NKAIN1: variants seen among roughly 807,000 people sequenced by gnomAD.
The protein encoded by NKAIN1 is sodium/potassium transporting ATPase interacting 1, also known as sodium/potassium-transporting ATPase subunit beta-1-interacting protein 1.
Under a neutral mutation model 31.6 loss-of-function variants are expected in NKAIN1, and 13 were observed. The ratio of observed to expected loss-of-function variants is 0.41; its 90% confidence interval spans 0.27 to 0.65. NKAIN1 has a LOEUF of 0.65. Ranked by LOEUF, NKAIN1 falls within the 30% of genes least tolerant of loss-of-function variation. The pLI is 0.30. For missense variants in NKAIN1, 193 were observed against 262.2 expected, an observed-to-expected ratio of 0.74 and a Z score of 1.82; for synonymous variants, 104 against 109.0, an observed-to-expected ratio of 0.95 and a Z score of 0.28.
chr1:31,208,343 A>G (rs200811956), intron 1 of NKAIN1, among the ~76,000 whole-genome samples: 1 of 151,854 alleles, frequency 6.6e-6, no homozygotes, highest in Non-Finnish European at 1.5e-5. Flanking sequence ...TCTTTCTTCC[A>G]CCCCCCGCTT....
chr1:31,182,943 T>C (rs1187873446), intron 4 of NKAIN1, among the ~76,000 whole-genome samples: 1 of 152,074 alleles, frequency 6.6e-6, no homozygotes, highest in Non-Finnish European at 1.5e-5. Flanking sequence ...ACTACTCCTA[T>C]CTTGGAGTTT....
intron 1 of NKAIN1, among the ~76,000 whole-genome samples, chr1:31,191,808 G>C (rs1030690675): frequency 6.6e-6 from 1 of 152,086 alleles, no homozygotes; most frequent in Non-Finnish European, 1.5e-5. Flanking sequence ...AAAGAGTCTT[G>C]CACTTTTGCC....
chr1:31,201,523 T>TA (rs915286376), intron 1 of NKAIN1, among the ~76,000 whole-genome samples: 1 of 70,930 alleles, frequency 1.4e-5, no homozygotes, highest in African/African-American at 3.4e-5. Context: ...CATGCCCGGC[T>TA]AATTTTTTTT....
rs549718855 is a variant in NKAIN1 at position 31,182,399 on chromosome 1, G to T, written c.532+131C>A. Reference sequence around the variant, plus strand: ...GTATGCAGAGCCTTCCATACCAGCCGCCTCTTCCCCTCGAAAGGGGCCCGT... The same window carrying T: ...GTATGCAGAGCCTTCCATACCAGCCTCCTCTTCCCCTCGAAAGGGGCCCGT... On this transcript the variant is annotated intron_variant, in intron 5 of 6. Coordinates refer to ENST00000373736, the MANE Select transcript of NKAIN1 (RefSeq NM_024522.3). The T allele has an allele frequency of 2.2e-3, 2,123 of 954,380 alleles. 10 individuals carry two copies. Among genetic ancestry groups the T allele is most frequent in the Non-Finnish European group, 2.9e-3 (1,801 of 611,804 alleles). 59.1% of individuals were successfully genotyped at this position (954,380 alleles called of 1,614,324 possible).
At chr1:31,225,318 G>GCA (rs1645595113) in intron 1 of NKAIN1, among the ~76,000 whole-genome samples, 1 of 123,254 alleles carries the variant, frequency 8.1e-6, no homozygotes, top group African/African-American at 3.2e-5. Flanking sequence ...AAGCCACCAT[G>GCA]CCCGGCCTTT....
chr1:31,193,721 A>G (rs1288751304), intron 1 of NKAIN1: 2 of 152,078 alleles, frequency 1.3e-5, no homozygotes, highest in African/African-American at 4.8e-5. Context: ...ACAAACACCA[A>G]GTCAAATATT....
intron 5 of NKAIN1, 123 bp downstream of exon 5, chr1:31,182,407 C>T (rs1645209750): frequency 1.9e-6 from 2 of 1,045,552 alleles, no homozygotes; most frequent in South Asian, 2.9e-5. Context: ...CCGCCTCTTC[C>T]CCTCGAAAGG....
rs185193762 is a variant in NKAIN1 at position 31,197,889 on chromosome 1, G to A, written c.55-9702C>T. Among the ~76,000 whole-genome samples, 101 of 151,720 alleles carry A rather than the reference G, an allele frequency of 6.7e-4. 1 individual carries two copies. Among genetic ancestry groups the A allele is most frequent in the African/African-American group, 2.2e-3 (92 of 41,364 alleles). On this transcript the variant is annotated intron_variant, in intron 1 of 6. Transcript: ENST00000373736. ...TTTATTTTTTTGAGATGGGATTTTC[G>A]CTTTGTCACCCAGCTGGAGTGCAGT... is the stretch of plus-strand genomic sequence containing the variant.
At position 31,239,356 on chromosome 1, in the gene NKAIN1, G is replaced by T; in HGVS notation, c.54+138C>A. The T allele has an allele frequency of 1.9e-6, 1 of 521,008 alleles. No individual in the cohort carries two copies. Among genetic ancestry groups the T allele is most frequent in the Non-Finnish European group, 3.0e-6 (1 of 335,854 alleles). The allele number at this position is 521,008 out of a possible 1,614,324, so 32.3% of individuals were successfully genotyped here. The stretch of plus-strand genomic sequence containing the variant: ...GGAGCAGGCTCCGCCCGACCGCTCC[G>T]AGACTCCAGACCACCCCCCGCCCGG... On this transcript the variant is annotated intron_variant, in intron 1 of 6. Coordinates refer to ENST00000373736, the MANE Select transcript of NKAIN1 (RefSeq NM_024522.3). The surrounding 1 kb of genome is among the most constrained non-coding windows in gnomAD (Gnocchi z 4.8).
At chr1:31,200,066 C>T (rs545217790) in intron 1 of NKAIN1, among the ~76,000 whole-genome samples, 10 of 152,234 alleles carry the variant, frequency 6.6e-5, no homozygotes, top group Non-Finnish European at 1.3e-4. Context: ...CGCACGCGCA[C>T]GCACGAACAC....
Position 31,185,280 on chromosome 1 carries a change from G to A in NKAIN1, c.240C>T (p.Ile80=). ...GCTGTCCAACCTCCAAGTAGAAGCAGATGATAAATGCATTCCAGCCAACCC... is the reference window on the plus strand; with the variant it reads ...GCTGTCCAACCTCCAAGTAGAAGCAAATGATAAATGCATTCCAGCCAACCC... ...VLWVGWNAFI[I]CFYLEVGQLS... Residue 80 remains isoleucine, a synonymous_variant, in exon 3 of 7, where the codon ATC becomes ATT. Transcript: ENST00000373736. The A allele has an allele frequency of 6.2e-7, 1 of 1,610,950 alleles. No individual in the cohort carries two copies. The highest frequency in any genetic ancestry group is 8.5e-7 in the Non-Finnish European group (1 of 1,178,550).
At chr1:31,196,850 C>A (rs1570457185) in intron 1 of NKAIN1, among the ~76,000 whole-genome samples, 1 of 152,156 alleles carries the variant, frequency 6.6e-6, no homozygotes, top group Non-Finnish European at 1.5e-5. Flanking sequence ...GGCACCGTCC[C>A]AGAGGCAGGA....
rs2148369176 is a variant in NKAIN1 at position 31,233,614 on chromosome 1, A to G, written c.54+5880T>C. On this transcript the variant is annotated intron_variant, in intron 1 of 6. Coordinates refer to ENST00000373736, the MANE Select transcript of NKAIN1 (RefSeq NM_024522.3). This position sits in a 1 kb window ranked among gnomAD's most constrained non-coding sequence, Gnocchi z 4.0. ...TTCTCATTATGTTAATTTCCCACTC[A>G]GCCCCATATTTTCCACATAAAGAAG... Among the ~76,000 whole-genome samples, 1 of 152,330 alleles carries G rather than the reference A, an allele frequency of 6.6e-6. No individual in the cohort carries two copies. Among genetic ancestry groups the G allele is most frequent in the Admixed American group, 6.5e-5 (1 of 15,302 alleles).
chr1:31,188,372 G>A, intron 1 of NKAIN1, 185 bp from the exon 2 acceptor site: 4 of 648,166 alleles, frequency 6.2e-6, no homozygotes, highest in South Asian at 4.0e-5. Flanking sequence ...TCACTTTGGG[G>A]TGGGCTGAAA....
intron 1 of NKAIN1, among the ~76,000 whole-genome samples, chr1:31,195,062 C>T (rs534945171): frequency 9.9e-5 from 15 of 151,672 alleles, no homozygotes; most frequent in African/African-American, 2.7e-4. Context: ...TGAGCCACCG[C>T]GCCTGACTCT....
At chr1:31,198,953 C>T (rs925901898) in intron 1 of NKAIN1, among the ~76,000 whole-genome samples, 7 of 152,220 alleles carry the variant, frequency 4.6e-5, no homozygotes, top group African/African-American at 1.4e-4. Flanking sequence ...GAGAAGGTAG[C>T]GTAGGGCCCA....
At chr1:31,207,428 C>T (rs1203024205) in intron 1 of NKAIN1, among the ~76,000 whole-genome samples, 2 of 152,312 alleles carry the variant, frequency 1.3e-5, no homozygotes, top group East Asian at 1.9e-4. Context: ...GTGTTAGCTA[C>T]GATGATTGTT....
In NKAIN1 at chr1:31,225,658, AC is replaced by A. The variant is rs1424324371; in HGVS notation, c.54+13835del. 2.0e-5 allele frequency among the ~76,000 whole-genome samples: 3 copies of A among 150,752 alleles called. No individual in the cohort carries two copies. In the East Asian group the frequency reaches 5.9e-4, roughly 30 times the overall value. On this transcript the variant is annotated intron_variant, in intron 1 of 6. Coordinates refer to ENST00000373736, the MANE Select transcript of NKAIN1 (RefSeq NM_024522.3). ...TTTCTGGACTTCAGTTTTCCCAGCT[AC>A]ATTGTGTGAGGGTGGAGGTGATGTG...
chr1:31,219,843 C>T (rs6425716), intron 1 of NKAIN1, among the ~76,000 whole-genome samples: 150,346 of 152,220 alleles, frequency 0.99, 74,268 homozygotes, highest in Middle Eastern at 1. Context: ...TTGGTTCCCA[C>T]TTGCCCATCT....
Sources: gnomAD v4.1 joint callset for allele counts (sites outside exome capture counted in the v4.1 genomes callset) on GRCh38, gnomAD v4.1.1 for gene constraint, Gnocchi (gnomAD v3.1) non-coding constraint, MANE v1.5 for transcripts, NCBI Gene and HGNC (gene_info 2026-07-23, HGNC 2026-07-21) for gene names.